Variants in SRGAP3 observed in about 807,000 individuals in gnomAD.
The protein encoded by SRGAP3 is SLIT-ROBO Rho GTPase activating protein 3.
A neutral mutation model predicts 121.1 loss-of-function variants in SRGAP3; 39 were observed. That is an observed-to-expected ratio of 0.32 (90% CI 0.25 to 0.42). The LOEUF (loss-of-function observed/expected upper bound fraction) is 0.42, where lower values mean the gene tolerates loss of function less well. SRGAP3 is among the 10% of genes least tolerant of loss of function. SRGAP3 has a pLI of 1.00. For missense variants in SRGAP3, 1,213 were observed against 1,470.6 expected (o/e 0.82, Z 2.86); for synonymous variants, 601 against 570.0 (o/e 1.05, Z -0.77).
intron 2 of SRGAP3, among the ~76,000 whole-genome samples, chr3:9,113,707 T>C (rs528192476): frequency 6.6e-6 from 1 of 152,028 alleles, no homozygotes; most frequent in South Asian, 2.1e-4. Flanking sequence ...TGGGGGACGG[T>C]TCCCCCATGC....
At chr3:9,178,145 G>A (rs1951246590) in intron 1 of SRGAP3, among the ~76,000 whole-genome samples, 1 of 152,174 alleles carries the variant, frequency 6.6e-6, no homozygotes, top group African/African-American at 2.4e-5. Flanking sequence ...GCGCATGCCT[G>A]TAGTCTCAGC....
intron 11 of SRGAP3, among the ~76,000 whole-genome samples, chr3:9,032,964 A>G (rs1427459713): frequency 1.3e-5 from 2 of 152,128 alleles, no homozygotes; most frequent in African/African-American, 4.8e-5. Flanking sequence ...AAGCAGGAGC[A>G]ACTCTTACAT....
chr3:9,050,839 C>T (rs75650756), intron 9 of SRGAP3, among the ~76,000 whole-genome samples: 193 of 152,220 alleles, frequency 1.3e-3, no homozygotes, highest in East Asian at 9.8e-3. Flanking sequence ...TGCTAAGCTC[C>T]GCTTTGTTTT....
intron 1 of SRGAP3, among the ~76,000 whole-genome samples, chr3:9,142,255 C>T (rs576024147): frequency 6.6e-6 from 1 of 152,236 alleles, no homozygotes; most frequent in East Asian, 1.9e-4. Flanking sequence ...TGATTTTTTT[C>T]CTTGGTATGA....
chr3:9,338,248 G>A (rs1460915101), intron 1 of SRGAP3, among the ~76,000 whole-genome samples: 1 of 152,144 alleles, frequency 6.6e-6, no homozygotes, highest in Non-Finnish European at 1.5e-5. Flanking sequence ...AAAAGTGCTT[G>A]CATATATAGA....
intron 4 of SRGAP3, among the ~76,000 whole-genome samples, chr3:9,072,117 G>A (rs1252818495): frequency 1.3e-5 from 2 of 152,112 alleles, no homozygotes; most frequent in Non-Finnish European, 2.9e-5. Flanking sequence ...TATCAGTCCT[G>A]ATCCCAACCG....
rs576697346 is a variant in SRGAP3, at chr3:9,165,748, C to T, written c.68-40831G>A. On this transcript the variant is annotated intron_variant, in intron 1 of 21. Coordinates refer to ENST00000383836, the MANE Select transcript of SRGAP3 (RefSeq NM_014850.4). ...AGTCTTTCCATCCCCAGAGCCTTTG[C>T]ATGCACGGTTGCCTTGGTCTGCAGC... Among the ~76,000 whole-genome samples, 4 of 152,290 alleles carry T rather than the reference C, an allele frequency of 2.6e-5. No homozygotes were observed. The South Asian group carries it at 8.3e-4, about 32-fold the overall frequency.
intron 2 of SRGAP3, among the ~76,000 whole-genome samples, chr3:9,120,294 T>G (rs1052137225): frequency 6.6e-6 from 1 of 152,170 alleles, no homozygotes; most frequent in Non-Finnish European, 1.5e-5. Flanking sequence ...AGCTTTTCAA[T>G]AGAAGTGACA....
chr3:9,305,487 G>C (rs1045874676), intron 3 of SRGAP3, among the ~76,000 whole-genome samples: 2 of 150,600 alleles, frequency 1.3e-5, no homozygotes, highest in African/African-American at 4.9e-5. Flanking sequence ...GTATACATGT[G>C]CCATGTTGGT....
At chr3:9,228,404 G>A (rs932837376) in intron 1 of SRGAP3, among the ~76,000 whole-genome samples, 2 of 152,202 alleles carry the variant, frequency 1.3e-5, no homozygotes, top group African/African-American at 4.8e-5. Flanking sequence ...GCCAATGCTA[G>A]CAAATGCACA....
chr3:9,188,989 C>T (rs1951677813), intron 1 of SRGAP3, among the ~76,000 whole-genome samples: 1 of 152,170 alleles, frequency 6.6e-6, no homozygotes, highest in African/African-American at 2.4e-5. Context: ...AAAGAAAGAA[C>T]AGAAGCTAAA....
At chr3:9,037,926 C>T in intron 11 of SRGAP3, 137 bp downstream of exon 11, 1 of 1,162,254 alleles carries the variant, frequency 8.6e-7, no homozygotes, top group Non-Finnish European at 1.3e-6. Context: ...CTCACCTGGG[C>T]ACACCCACAC....
Position 9,218,773 on chromosome 3 carries a change from A to T in SRGAP3, c.67+30112T>A, listed in dbSNP as rs1051495208. Among the ~76,000 whole-genome samples the T allele has an allele frequency of 3.3e-5, 5 of 151,986 alleles. No individual in the cohort carries two copies. Among genetic ancestry groups the T allele is most frequent in the Admixed American group, 3.3e-4 (5 of 15,256 alleles). On this transcript the variant is annotated intron_variant, in intron 1 of 21. Transcript: ENST00000383836. The surrounding 1 kb of genome is among the most constrained non-coding windows in gnomAD (Gnocchi z 5.3). ...CTGCAACCTCAACCTCCCGGATTCA[A>T]GTGATCCTCCCACCTCAGCCTCTCT...
chr3:9,061,371 T>A (rs1392128658), intron 5 of SRGAP3, among the ~76,000 whole-genome samples: 1 of 152,134 alleles, frequency 6.6e-6, no homozygotes, highest in African/African-American at 2.4e-5. Flanking sequence ...CCTCATTTGC[T>A]CAGCCTCCTT....
At chr3:9,184,389 A>C (rs897029493) in intron 1 of SRGAP3, among the ~76,000 whole-genome samples, 4 of 152,098 alleles carry the variant, frequency 2.6e-5, no homozygotes, top group Non-Finnish European at 5.9e-5. Context: ...GACCTTCAAC[A>C]CCAGGTGTTA....
At chr3:9,358,336 T>C (rs539612440) in intron 1 of SRGAP3, among the ~76,000 whole-genome samples, 2 of 152,198 alleles carry the variant, frequency 1.3e-5, no homozygotes, top group African/African-American at 4.8e-5. Flanking sequence ...CATGTATGCC[T>C]GTATAACACA....
chr3:9,075,690 G>A (rs530264799), intron 4 of SRGAP3, among the ~76,000 whole-genome samples: 99 of 152,206 alleles, frequency 6.5e-4, no homozygotes, highest in Non-Finnish European at 1.1e-3. Flanking sequence ...CTCCCTTACA[G>A]AACTTTAAGA....
At chr3:9,361,365 A>C (rs1485958455) in intron 1 of SRGAP3, among the ~76,000 whole-genome samples, 1 of 152,084 alleles carries the variant, frequency 6.6e-6, no homozygotes, top group Non-Finnish European at 1.5e-5. Flanking sequence ...CAGCCTCCCA[A>C]AGCGCTGGGA....
In SRGAP3 at chr3:9,032,634, G is replaced by A; in HGVS notation, c.1539+16C>T. 6.2e-7 allele frequency: 1 copy of A among 1,611,044 alleles called. No homozygotes were observed. Among genetic ancestry groups the A allele is most frequent in the Middle Eastern group, 1.7e-4 (1 of 5,988 alleles). ...ATTGGGTGCATTCGCGGACTCCACG[G>A]CTCCCCAGCAAGTACCTTAATGAAT... is the stretch of plus-strand genomic sequence containing the variant. On this transcript the variant is annotated intron_variant, in intron 12 of 21. Coordinates refer to ENST00000383836, the MANE Select transcript of SRGAP3 (RefSeq NM_014850.4).
Sources: allele counts gnomAD v4.1 joint callset (sites outside exome capture counted in the v4.1 genomes callset), GRCh38; gene constraint gnomAD v4.1.1; non-coding constraint Gnocchi (gnomAD v3.1); transcripts MANE v1.5; gene names NCBI Gene and HGNC (gene_info 2026-07-23, HGNC 2026-07-21).